The following PRICKLE1 variants were observed in gnomAD, a reference collection of about 807,000 sequenced individuals.
PRICKLE1 encodes the protein prickle-like protein 1.
PRICKLE1 carries 14 observed loss-of-function variants against 70.2 expected under a neutral mutation model. The observed-to-expected ratio is 0.20, with a 90% CI of 0.13 to 0.31. PRICKLE1 has a LOEUF of 0.31. Ranked by LOEUF, PRICKLE1 falls within the 10% of genes least tolerant of loss-of-function variation. PRICKLE1 has a pLI of 1.00. For missense variants in PRICKLE1, 821 were observed against 1,026.2 expected, an observed-to-expected ratio of 0.80 and a Z score of 2.73; for synonymous variants, 357 against 379.9, an observed-to-expected ratio of 0.94 and a Z score of 0.70.
In PRICKLE1 at chr12:42,457,299, G is replaced by A. The variant is rs917818637; in HGVS notation, c.*2510C>T. Reference sequence around the variant, plus strand: ...TTGAGAATGTACTTGAAAAGTGAGGGCAGTACCTTCACCTTATACCTGCAT... The same window carrying A: ...TTGAGAATGTACTTGAAAAGTGAGGACAGTACCTTCACCTTATACCTGCAT... On this transcript the variant is annotated 3_prime_UTR_variant, in exon 8 of 8. Coordinates refer to ENST00000345127, the MANE Select transcript of PRICKLE1 (RefSeq NM_153026.3). The A allele has an allele frequency of 2.6e-5, 4 of 152,156 alleles. No homozygotes were observed. The highest frequency in any genetic ancestry group is 1.3e-4 in the Admixed American group (2 of 15,284). The allele number at this position is 152,156 out of a possible 1,614,324, so 9.4% of individuals were successfully genotyped here. A position where few individuals can be genotyped will look rare whatever the true frequency, so the allele number is the denominator to read the frequency against.
At chr12:42,472,714 G>A in intron 1 of PRICKLE1, 150 bp from the exon 2 acceptor site, 1 of 657,942 alleles carries the variant, frequency 1.5e-6, no homozygotes, top group Admixed American at 2.9e-5. Context: ...CCAGGCCCCA[G>A]GCCCCCTGAA....
rs1479290129 is a variant in PRICKLE1 at position 42,458,624 on chromosome 12, T to C, written c.*1185A>G. The C allele has an allele frequency of 6.6e-6, 1 of 152,058 alleles. No individual in the cohort carries two copies. The highest frequency in any genetic ancestry group is 2.4e-5 in the African/African-American group (1 of 41,404). 9.4% of individuals were successfully genotyped at this position (152,058 alleles called of 1,614,324 possible). Reference sequence around the variant, plus strand: ...AAAATTGCTGTTAAAGGCCAACAAATTAGTGGGAGGGAAGGAATAAAAAGG... The same window carrying C: ...AAAATTGCTGTTAAAGGCCAACAAACTAGTGGGAGGGAAGGAATAAAAAGG... On this transcript the variant is annotated 3_prime_UTR_variant, in exon 8 of 8. Coordinates refer to ENST00000345127, the MANE Select transcript of PRICKLE1 (RefSeq NM_153026.3).
chr12:42,559,582 G>T (rs977223679), intron 1 of PRICKLE1, among the ~76,000 whole-genome samples: 12 of 139,988 alleles, frequency 8.6e-5, no homozygotes, highest in Non-Finnish European at 1.8e-4. Flanking sequence ...ATATATGTGT[G>T]TGTTTATGTG....
chr12:42,492,102 A>T (rs1217643309), intron 1 of PRICKLE1, among the ~76,000 whole-genome samples: 1 of 151,846 alleles, frequency 6.6e-6, no homozygotes, highest in East Asian at 1.9e-4. Flanking sequence ...CTTAAATAAA[A>T]AAAAAAAAAT....
At chr12:42,470,928 C>T (rs1938297257) in intron 2 of PRICKLE1, among the ~76,000 whole-genome samples, 1 of 151,948 alleles carries the variant, frequency 6.6e-6, no homozygotes, top group Admixed American at 6.6e-5. Context: ...AAGACTACTC[C>T]TCCTCAGCCA....
chr12:42,475,514 G>T (rs895851836), intron 1 of PRICKLE1, among the ~76,000 whole-genome samples: 1 of 152,128 alleles, frequency 6.6e-6, no homozygotes, highest in African/African-American at 2.4e-5. Flanking sequence ...GCCTCCAGGG[G>T]GGGAGTGCTG....
rs745464871 is a variant in PRICKLE1, at chr12:42,464,303, G to A, written c.1639+92C>T. ...CCCATAGTGCTGGAATTATAGGCAT[G>A]AGCCACTGCGCCTGGCTTGAATTGC... On this transcript the variant is annotated intron_variant, in intron 7 of 7. Transcript: ENST00000345127. This position sits in a 1 kb window ranked among gnomAD's most constrained non-coding sequence, Gnocchi z 4.2. The A allele has an allele frequency of 6.8e-7, 1 of 1,475,276 alleles. No individual in the cohort carries two copies. The highest frequency in any genetic ancestry group is 9.5e-7 in the Non-Finnish European group (1 of 1,057,168). 91.4% of individuals were successfully genotyped at this position (1,475,276 alleles called of 1,614,324 possible). A position where few individuals can be genotyped will look rare whatever the true frequency, so the allele number is the denominator to read the frequency against.
At chr12:42,570,107 G>A (rs1940682714) in intron 1 of PRICKLE1, among the ~76,000 whole-genome samples, 1 of 152,230 alleles carries the variant, frequency 6.6e-6, no homozygotes, top group South Asian at 2.1e-4. Flanking sequence ...TGACACCTGA[G>A]CGGTTATGAC....
intron 2 of PRICKLE1, among the ~76,000 whole-genome samples, chr12:42,471,443 A>G (rs527966469): frequency 3.7e-4 from 57 of 152,240 alleles, no homozygotes; most frequent in Non-Finnish European, 6.3e-4. Context: ...GTAAGAAGGG[A>G]TTCTCTCTAA....
At chr12:42,467,096 G>A (rs1370469022) in intron 5 of PRICKLE1, among the ~76,000 whole-genome samples, 1 of 151,806 alleles carries the variant, frequency 6.6e-6, no homozygotes, top group African/African-American at 2.4e-5. Flanking sequence ...GGTCTAGTCT[G>A]GTTCTTTTTT....
At chr12:42,475,400 A>AT (rs1938483102) in intron 1 of PRICKLE1, among the ~76,000 whole-genome samples, 1 of 152,206 alleles carries the variant, frequency 6.6e-6, no homozygotes, top group African/African-American at 2.4e-5. Context: ...CAGATGGGGA[A>AT]ACTGGGCCTC....
intron 1 of PRICKLE1, among the ~76,000 whole-genome samples, chr12:42,495,380 CA>C (rs756105644): frequency 0.032 from 2,221 of 69,030 alleles, 53 homozygotes; most frequent in African/African-American, 0.089. Context: ...GACCTTGTCT[CA>C]AAAAAAAAAA....
chr12:42,542,380 G>A (rs1424250595), intron 1 of PRICKLE1, among the ~76,000 whole-genome samples: 1 of 152,086 alleles, frequency 6.6e-6, no homozygotes, highest in African/African-American at 2.4e-5. Context: ...GCCAGGCACG[G>A]TGACTCATGC....
chr12:42,542,006 C>T (rs1386933900), intron 1 of PRICKLE1, among the ~76,000 whole-genome samples: 1 of 3,000 alleles, frequency 3.3e-4, no homozygotes, highest in East Asian at 0.25. Flanking sequence ...GAACTCACTC[C>T]GAACATAGTC....
intron 1 of PRICKLE1, among the ~76,000 whole-genome samples, chr12:42,519,814 T>C (rs559126071): frequency 6.6e-6 from 1 of 152,132 alleles, no homozygotes; most frequent in South Asian, 2.1e-4. Flanking sequence ...TGAGTATTTG[T>C]TGTTGTTGTT....
At chr12:42,578,077 G>A (rs923967709) in intron 1 of PRICKLE1, among the ~76,000 whole-genome samples, 1 of 152,144 alleles carries the variant, frequency 6.6e-6, no homozygotes, top group African/African-American at 2.4e-5. Flanking sequence ...TGTGTACTTT[G>A]GAGGTATTAG....
intron 1 of PRICKLE1, among the ~76,000 whole-genome samples, chr12:42,577,392 C>T (rs1043440368): frequency 6.6e-6 from 1 of 151,912 alleles, no homozygotes; most frequent in African/African-American, 2.4e-5. Context: ...GCCCTCAGGC[C>T]TTTAAAACAT....
At chr12:42,506,727 C>G (rs1939426683) in intron 1 of PRICKLE1, among the ~76,000 whole-genome samples, 1 of 151,808 alleles carries the variant, frequency 6.6e-6, no homozygotes, top group African/African-American at 2.4e-5. Flanking sequence ...TACCCACCAC[C>G]ATGCCCGGCT....
intron 1 of PRICKLE1, among the ~76,000 whole-genome samples, chr12:42,486,583 A>G (rs940067046): frequency 1.3e-5 from 2 of 152,182 alleles, no homozygotes; most frequent in African/African-American, 4.8e-5. Flanking sequence ...GTCAAATGTC[A>G]GCCAGCTGCG....
Sources: gnomAD v4.1 joint callset for allele counts (sites outside exome capture counted in the v4.1 genomes callset) on GRCh38, gnomAD v4.1.1 for gene constraint, Gnocchi (gnomAD v3.1) non-coding constraint, MANE v1.5 for transcripts, NCBI Gene and HGNC (gene_info 2026-07-23, HGNC 2026-07-21) for gene names.